Variants in MAGI2 observed in about 807,000 individuals in gnomAD.
The protein encoded by MAGI2 is membrane associated guanylate kinase, WW and PDZ domain containing 2.
In MAGI2, 35 loss-of-function variants were observed where a neutral mutation model predicts 133.3. The observed-to-expected ratio is 0.26, with a 90% confidence interval of 0.20 to 0.35. The LOEUF (loss-of-function observed/expected upper bound fraction) is 0.35, where lower values mean the gene tolerates loss of function less well. MAGI2 is among the 10% of genes least tolerant of loss of function. The probability of loss-of-function intolerance (pLI) is 1.00; values close to 1 mark genes in which losing one functional copy is unlikely to be tolerated. For missense variants in MAGI2, 1,636 were observed against 1,863.4 expected (o/e 0.88, Z 2.25); for synonymous variants, 729 against 710.6 (o/e 1.03, Z -0.41).
At chr7:79,093,656 T>G (rs1584913331) in intron 1 of MAGI2, among the ~76,000 whole-genome samples, 1 of 151,830 alleles carries the variant, frequency 6.6e-6, no homozygotes, top group East Asian at 1.9e-4. Flanking sequence ...AAGGTTTGGG[T>G]GCTGTGGCAA....
intron 2 of MAGI2, among the ~76,000 whole-genome samples, chr7:78,846,600 G>A (rs1792632882): frequency 6.6e-6 from 1 of 151,924 alleles, no homozygotes; most frequent in Non-Finnish European, 1.5e-5. Context: ...GTTCCTAGAC[G>A]TTCTTCTTTG....
At chr7:78,862,745 T>G (rs2151504186) in intron 2 of MAGI2, among the ~76,000 whole-genome samples, 1 of 152,352 alleles carries the variant, frequency 6.6e-6, no homozygotes, top group African/African-American at 2.4e-5. Flanking sequence ...ATGTTTATTT[T>G]GTTATGGTCC....
At chr7:78,567,414 A>ACACACC (rs1554478468) in intron 3 of MAGI2, among the ~76,000 whole-genome samples, 1 of 151,974 alleles carries the variant, frequency 6.6e-6, no homozygotes, top group Admixed American at 6.6e-5. Flanking sequence ...ACACACACAC[A>ACACACC]CACACAACCG....
chr7:78,809,448 T>C (rs1788859698), intron 2 of MAGI2, among the ~76,000 whole-genome samples: 2 of 152,310 alleles, frequency 1.3e-5, no homozygotes, highest in South Asian at 4.1e-4. Flanking sequence ...TATGTGTATG[T>C]GCAATGAAAG....
intron 2 of MAGI2, among the ~76,000 whole-genome samples, chr7:78,972,037 A>G (rs1259320971): frequency 2.0e-5 from 3 of 151,992 alleles, no homozygotes; most frequent in Non-Finnish European, 4.4e-5. Flanking sequence ...AGGGCCTCAA[A>G]TATTTCATAA....
chr7:79,260,074 G>C (rs183752412), intron 1 of MAGI2, among the ~76,000 whole-genome samples: 36 of 152,308 alleles, frequency 2.4e-4, no homozygotes, highest in African/African-American at 7.5e-4. Context: ...GCAGTACAAG[G>C]CTGGGCATGG....
intron 10 of MAGI2, among the ~76,000 whole-genome samples, chr7:78,224,250 G>C (rs1428314348): frequency 6.6e-6 from 1 of 152,068 alleles, no homozygotes; most frequent in Non-Finnish European, 1.5e-5. Flanking sequence ...TTTTCTTTAG[G>C]ATGATTAAAA....
chr7:79,358,490 T>TAA (rs1376826157), intron 1 of MAGI2, among the ~76,000 whole-genome samples: 1 of 152,010 alleles, frequency 6.6e-6, no homozygotes, highest in Admixed American at 6.6e-5. Context: ...AGTCTATAGA[T>TAA]AAAAGGTTCT....
At chr7:78,755,766 C>T (rs192516787) in intron 2 of MAGI2, among the ~76,000 whole-genome samples, 67 of 152,284 alleles carry the variant, frequency 4.4e-4, no homozygotes, top group African/African-American at 1.6e-3. Flanking sequence ...GGAAGTATAG[C>T]TGCTTTTGTT....
chr7:78,860,462 C>G (rs960549095), intron 2 of MAGI2, among the ~76,000 whole-genome samples: 8 of 152,184 alleles, frequency 5.3e-5, no homozygotes, highest in African/African-American at 1.9e-4. Context: ...TTCCTTCTAA[C>G]AGTCAGGACC....
At chr7:79,326,682 A>G (rs1839721134) in intron 1 of MAGI2, among the ~76,000 whole-genome samples, 1 of 149,150 alleles carries the variant, frequency 6.7e-6, no homozygotes. Flanking sequence ...TTCAGATACT[A>G]TGTATCCTGT....
intron 12 of MAGI2, among the ~76,000 whole-genome samples, chr7:78,191,549 G>T (rs1197929971): frequency 6.6e-6 from 1 of 152,162 alleles, no homozygotes; most frequent in East Asian, 1.9e-4. Context: ...CAGAGTTCTA[G>T]ACACATAGCG....
At chr7:79,316,273 C>T (rs1017958274) in intron 1 of MAGI2, among the ~76,000 whole-genome samples, 3 of 152,036 alleles carry the variant, frequency 2.0e-5, no homozygotes, top group African/African-American at 7.2e-5. Context: ...CACCACCCCC[C>T]CACTCCAAGT....
intron 7 of MAGI2, among the ~76,000 whole-genome samples, chr7:78,365,763 A>G (rs188113998): frequency 6.6e-6 from 1 of 152,326 alleles, no homozygotes; most frequent in East Asian, 1.9e-4. Flanking sequence ...AGTCAGTTAT[A>G]GTGGTCAAAG....
intron 20 of MAGI2, among the ~76,000 whole-genome samples, chr7:78,080,511 G>A (rs1304777873): frequency 6.6e-6 from 1 of 152,136 alleles, no homozygotes; most frequent in Non-Finnish European, 1.5e-5. Context: ...GCAGAAATGG[G>A]ACCAATTATC....
intron 9 of MAGI2, among the ~76,000 whole-genome samples, chr7:78,319,736 A>G (rs562899300): frequency 1.3e-5 from 2 of 152,302 alleles, no homozygotes; most frequent in African/African-American, 4.8e-5. Flanking sequence ...GCAAGAGCAA[A>G]CAAATTCAAA....
chr7:78,951,644 T>C (rs1466453725), intron 2 of MAGI2, among the ~76,000 whole-genome samples: 1 of 152,144 alleles, frequency 6.6e-6, no homozygotes, highest in Admixed American at 6.5e-5. Flanking sequence ...CCATATCAAT[T>C]GCCTGTTTTT....
rs1347082339 is a variant in MAGI2 at position 78,664,620 on chromosome 7, T to C, written c.419-37381A>G. On this transcript the variant is annotated intron_variant, in intron 2 of 21. Transcript: ENST00000354212. ...ATTCAAATTATCTTGAAATGATACA[T>C]TTATCATTTTAAAAAACAAACTTAC... is the stretch of plus-strand genomic sequence containing the variant. Among the ~76,000 whole-genome samples the C allele has an allele frequency of 2.0e-5, 3 of 152,098 alleles. No individual in the cohort carries two copies. The East Asian group carries it at 5.8e-4, about 29-fold the overall frequency.
intron 1 of MAGI2, among the ~76,000 whole-genome samples, chr7:79,255,087 T>C (rs1432122820): frequency 6.6e-6 from 1 of 152,248 alleles, no homozygotes; most frequent in Non-Finnish European, 1.5e-5. Context: ...TTTTCTATTC[T>C]AATTTTTTAT....
Sources: allele counts gnomAD v4.1 joint callset (sites outside exome capture counted in the v4.1 genomes callset), GRCh38; gene constraint gnomAD v4.1.1; transcripts MANE v1.5; gene names NCBI Gene and HGNC (gene_info 2026-07-23, HGNC 2026-07-21).